Variants in DNER observed in about 807,000 individuals in gnomAD.
The protein encoded by DNER is delta/notch like EGF repeat containing.
In DNER, 33 loss-of-function variants were observed where a neutral mutation model predicts 78.2. The observed-to-expected ratio is 0.42, with a 90% CI of 0.32 to 0.56. The LOEUF (loss-of-function observed/expected upper bound fraction) is 0.56. Ranked by LOEUF, DNER falls within the 20% of genes least tolerant of loss-of-function variation. DNER has a pLI of 0.11. For missense variants in DNER, 918 were observed against 975.3 expected, an observed-to-expected ratio of 0.94 and a Z score of 0.78; for synonymous variants, 417 against 384.8, an observed-to-expected ratio of 1.08 and a Z score of -0.98.
At chr2:229,523,433 GCCCGTGGCCATCTCCTC>G (rs1233936721) in intron 5 of DNER, among the ~76,000 whole-genome samples, 2 of 152,160 alleles carry the variant, frequency 1.3e-5, no homozygotes, top group African/African-American at 4.8e-5. Context: ...TCCTTGGTTT[GCCCGTGGCCATCTCCTC>G]CCCGTGTCTT....
intron 4 of DNER, among the ~76,000 whole-genome samples, chr2:229,571,741 C>T (rs745976784): frequency 2.6e-5 from 4 of 152,150 alleles, no homozygotes; most frequent in South Asian, 2.1e-4. Context: ...ACCTCCCCCC[C>T]TGAAACCGTG....
rs202238472 is a variant in DNER at position 229,591,663 on chromosome 2, G to A, written c.502C>T (p.Arg168Cys). Residue 168 changes from arginine (R) to cysteine (C), a missense_variant, in exon 2 of 13, where the codon CGC becomes TGC. Physicochemically the swap from Arg to Cys is radical, Grantham distance 180 (BLOSUM62 -3). Coordinates refer to ENST00000341772, the MANE Select transcript of DNER (RefSeq NM_139072.4). This position sits in a 1 kb window ranked among gnomAD's most constrained non-coding sequence, Gnocchi z 4.6. Reference sequence around the variant, plus strand: ...GGCAGTGTCACCGTTGCCTGAGAGCGAGGCAGGATTTTGTCAGGCTCCTGA... The same window carrying A: ...GGCAGTGTCACCGTTGCCTGAGAGCAAGGCAGGATTTTGTCAGGCTCCTGA... Reference protein sequence around the residue: ...ATQEPDKILPRSQATVTLPTW... With the variant: ...ATQEPDKILPCSQATVTLPTW... 1.1e-4 allele frequency: 182 copies of A among 1,614,038 alleles called. 1 individual carries two copies. Among genetic ancestry groups the A allele is most frequent in the South Asian group, 2.2e-4 (20 of 91,086 alleles).
intron 1 of DNER, among the ~76,000 whole-genome samples, chr2:229,684,178 G>C (rs1699443920): frequency 6.8e-6 from 1 of 146,430 alleles, no homozygotes; most frequent in African/African-American, 2.6e-5. Context: ...GAGTGTGTGT[G>C]TGTGTGTGTG....
chr2:229,399,673 A>G (rs1693226949), intron 10 of DNER, among the ~76,000 whole-genome samples: 1 of 152,080 alleles, frequency 6.6e-6, no homozygotes, highest in Non-Finnish European at 1.5e-5. Context: ...ATAAAGGTAG[A>G]GGAATAGACA....
At position 229,468,547 on chromosome 2, in the gene DNER, A is replaced by G. The variant is rs113059469; in HGVS notation, c.1261+8593T>C. ...CAAGAAAAACTCACTTTGACCCCCT[A>G]TGATTCCATCTCCAACCTGGTCAGT... On this transcript the variant is annotated intron_variant, in intron 7 of 12. Transcript: ENST00000341772. Among the ~76,000 whole-genome samples, 724 of 152,156 alleles carry G rather than the reference A, an allele frequency of 4.8e-3. 7 individuals carry two copies. The highest frequency in any genetic ancestry group is 0.017 in the African/African-American group (686 of 41,526).
intron 5 of DNER, among the ~76,000 whole-genome samples, chr2:229,544,658 G>A (rs1412314582): frequency 4.0e-5 from 6 of 151,646 alleles, no homozygotes; most frequent in South Asian, 2.1e-4. Flanking sequence ...TCAGCCTCCC[G>A]AGTAGCTGGG....
At chr2:229,521,203 G>T (rs1262294219) in intron 5 of DNER, among the ~76,000 whole-genome samples, 1 of 152,212 alleles carries the variant, frequency 6.6e-6, no homozygotes, top group African/African-American at 2.4e-5. Flanking sequence ...AGCTCCAGGA[G>T]CCTGTCCGTA....
chr2:229,528,632 A>G (rs1408357684), intron 5 of DNER, among the ~76,000 whole-genome samples: 1 of 152,180 alleles, frequency 6.6e-6, no homozygotes, highest in African/African-American at 2.4e-5. Context: ...ACTCTATCAG[A>G]TGATTTTGTA....
chr2:229,520,446 G>A (rs2154212553), intron 5 of DNER, among the ~76,000 whole-genome samples: 1 of 152,256 alleles, frequency 6.6e-6, no homozygotes, highest in South Asian at 2.1e-4. Context: ...TCGTGAGCCA[G>A]CCTAATTCCA....
At chr2:229,516,867 G>A (rs536024233) in intron 5 of DNER, among the ~76,000 whole-genome samples, 3 of 151,332 alleles carry the variant, frequency 2.0e-5, no homozygotes, top group African/African-American at 7.3e-5. Context: ...CAGCATTTTG[G>A]GAGGCCGAGG....
At chr2:229,533,820 A>C (rs1015857003) in intron 5 of DNER, among the ~76,000 whole-genome samples, 15 of 152,226 alleles carry the variant, frequency 9.9e-5, no homozygotes, top group African/African-American at 3.6e-4. Flanking sequence ...AATAAGCAAG[A>C]GTTTTTGTTA....
chr2:229,365,739 T>G (rs899493368), intron 12 of DNER, among the ~76,000 whole-genome samples: 1 of 152,074 alleles, frequency 6.6e-6, no homozygotes, highest in Non-Finnish European at 1.5e-5. Context: ...CCCAGCCAGG[T>G]CTTCTCATGT....
At chr2:229,444,509 T>C (rs1349510776) in intron 8 of DNER, among the ~76,000 whole-genome samples, 1 of 152,212 alleles carries the variant, frequency 6.6e-6, no homozygotes, top group Non-Finnish European at 1.5e-5. Flanking sequence ...CTCACACGTG[T>C]TGAAAAACTC....
intron 8 of DNER, among the ~76,000 whole-genome samples, chr2:229,441,908 C>A (rs931338593): frequency 3.1e-4 from 47 of 152,144 alleles, no homozygotes; most frequent in Non-Finnish European, 2.9e-5. Context: ...CTGACATCAG[C>A]GGCTGCTCTT....
chr2:229,658,102 C>T (rs1698942753), intron 1 of DNER, among the ~76,000 whole-genome samples: 1 of 152,104 alleles, frequency 6.6e-6, no homozygotes. Flanking sequence ...GCTAGAAAGA[C>T]CTCTATCTTT....
At chr2:229,611,809 C>A (rs1343502691) in intron 1 of DNER, among the ~76,000 whole-genome samples, 6 of 152,200 alleles carry the variant, frequency 3.9e-5, no homozygotes, top group African/African-American at 1.4e-4. Context: ...CTAAGACGTA[C>A]TGACAGGAAA....
intron 4 of DNER, among the ~76,000 whole-genome samples, chr2:229,554,862 GAAGAGAAGA>G (rs1696820993): frequency 2.8e-5 from 1 of 35,396 alleles, no homozygotes; most frequent in Non-Finnish European, 5.4e-5. Context: ...AAGGAAAAGA[GAAGAGAAGA>G]GAAGAGAAGA....
chr2:229,656,025 C>T (rs1394825077), intron 1 of DNER, among the ~76,000 whole-genome samples: 1 of 152,038 alleles, frequency 6.6e-6, no homozygotes, highest in Non-Finnish European at 1.5e-5. Flanking sequence ...AAGCCTGGCC[C>T]CACCCACACC....
At chr2:229,644,869 T>C (rs2154216114) in intron 1 of DNER, among the ~76,000 whole-genome samples, 1 of 152,330 alleles carries the variant, frequency 6.6e-6, no homozygotes, top group African/African-American at 2.4e-5. Context: ...CTGTAAATAT[T>C]GCTTTATGAA....
Sources: allele counts gnomAD v4.1 joint callset (sites outside exome capture counted in the v4.1 genomes callset), GRCh38; gene constraint gnomAD v4.1.1; non-coding constraint Gnocchi (gnomAD v3.1); transcripts MANE v1.5; gene names NCBI Gene and HGNC (gene_info 2026-07-23, HGNC 2026-07-21).